FOXP2: variants seen among roughly 807,000 people sequenced by gnomAD.
FOXP2 encodes the protein forkhead box protein P2.
In FOXP2, 12 loss-of-function variants were observed where a neutral mutation model predicts 115.8. That is an observed-to-expected ratio of 0.10 (90% CI 0.07 to 0.17). The LOEUF is 0.17. Ranked by LOEUF, FOXP2 falls within the 10% of genes least tolerant of loss-of-function variation. The pLI is 1.00. For synonymous variants in FOXP2, 328 were observed against 297.7 expected, an observed-to-expected ratio of 1.10 and a Z score of -1.05; for missense variants, 629 against 843.5, an observed-to-expected ratio of 0.75 and a Z score of 3.15.
At chr7:114,189,975 C>G (rs1004730497) in intron 1 of FOXP2, among the ~76,000 whole-genome samples, 5 of 152,012 alleles carry the variant, frequency 3.3e-5, no homozygotes, top group African/African-American at 1.2e-4. Flanking sequence ...TACTTTAGGT[C>G]ACTTAGGATG....
At chr7:114,171,300 A>C (rs1793131792) in intron 1 of FOXP2, among the ~76,000 whole-genome samples, 1 of 152,208 alleles carries the variant, frequency 6.6e-6, no homozygotes, top group African/African-American at 2.4e-5. Context: ...TGGGCCAGGT[A>C]TGGTGGCTTA....
intron 1 of FOXP2, among the ~76,000 whole-genome samples, chr7:114,113,291 C>T (rs892499259): frequency 4.6e-5 from 7 of 152,242 alleles, no homozygotes; most frequent in African/African-American, 1.7e-4. Context: ...ATTAAATAAA[C>T]TCATGAAGAA....
At chr7:114,523,985 C>G (rs960725201) in intron 2 of FOXP2, among the ~76,000 whole-genome samples, 1 of 152,146 alleles carries the variant, frequency 6.6e-6, no homozygotes, top group Non-Finnish European at 1.5e-5. Flanking sequence ...CTTTTTCTAA[C>G]TAGAGTTGTC....
At chr7:114,173,903 C>T in intron 1 of FOXP2, among the ~76,000 whole-genome samples, 1 of 151,710 alleles carries the variant, frequency 6.6e-6, no homozygotes, top group Non-Finnish European at 1.5e-5. Context: ...GAGAAAAGAG[C>T]CCCATTTTTG....
intron 2 of FOXP2, among the ~76,000 whole-genome samples, chr7:114,390,512 T>TTTTATTTATGTA (rs1554382678): frequency 9.9e-5 from 4 of 40,262 alleles, no homozygotes; most frequent in Non-Finnish European, 2.3e-4. Context: ...CATACTTTTG[T>TTTTATTTATGTA]TTTATTTATG....
intron 2 of FOXP2, among the ~76,000 whole-genome samples, chr7:114,497,603 C>T (rs1034257095): frequency 1.1e-4 from 16 of 151,880 alleles, no homozygotes; most frequent in Admixed American, 3.3e-4. Flanking sequence ...GAGCTGAGAC[C>T]GTGCCACTGC....
intron 1 of FOXP2, among the ~76,000 whole-genome samples, chr7:114,251,836 G>A (rs941100489): frequency 1.3e-5 from 2 of 152,166 alleles, no homozygotes; most frequent in Non-Finnish European, 2.9e-5. Context: ...TGTTGAATAG[G>A]AGTGGTGAGA....
intron 2 of FOXP2, among the ~76,000 whole-genome samples, chr7:114,439,499 G>T (rs1237308019): frequency 2.0e-5 from 3 of 151,762 alleles, no homozygotes; most frequent in Admixed American, 6.6e-5. Flanking sequence ...ATATAAACGT[G>T]GTATTATAGC....
intron 2 of FOXP2, among the ~76,000 whole-genome samples, chr7:114,450,990 G>C (rs1294834510): frequency 6.6e-6 from 1 of 151,900 alleles, no homozygotes; most frequent in Admixed American, 6.6e-5. Context: ...AATGAGAAAA[G>C]CTTACTCTTA....
At chr7:114,514,902 G>T (rs1411208853) in intron 2 of FOXP2, among the ~76,000 whole-genome samples, 1 of 143,006 alleles carries the variant, frequency 7.0e-6, no homozygotes. Context: ...AGAGTGTGAT[G>T]TTCCCCTTCC....
At chr7:114,662,958 T>C (rs1034850080) in intron 14 of FOXP2, among the ~76,000 whole-genome samples, 1 of 152,160 alleles carries the variant, frequency 6.6e-6, no homozygotes, top group African/African-American at 2.4e-5. Context: ...TTGATTTCTA[T>C]AGTCAAGTAT....
At chr7:114,563,166 C>G (rs1468608281) in intron 3 of FOXP2, among the ~76,000 whole-genome samples, 2 of 152,150 alleles carry the variant, frequency 1.3e-5, no homozygotes, top group Non-Finnish European at 2.9e-5. Flanking sequence ...CCAGGTCCCT[C>G]CCATGACACA....
At chr7:114,350,924 C>A (rs1791471924) in intron 2 of FOXP2, among the ~76,000 whole-genome samples, 1 of 152,066 alleles carries the variant, frequency 6.6e-6, no homozygotes, top group South Asian at 2.1e-4. Context: ...TTGCGTATAA[C>A]CTACACACAT....
intron 3 of FOXP2, chr7:114,570,702 A>T: frequency 2.4e-6 from 2 of 845,956 alleles, no homozygotes; most frequent in South Asian, 2.8e-5. Flanking sequence ...ACCTACCAAG[A>T]TAATAATTCC....
At chr7:114,348,189 A>T (rs998712695) in intron 2 of FOXP2, among the ~76,000 whole-genome samples, 1 of 152,104 alleles carries the variant, frequency 6.6e-6, no homozygotes, top group African/African-American at 2.4e-5. Flanking sequence ...TTGGTAAGTC[A>T]AATACATTTA....
At chr7:114,578,634 C>G (rs961489858) in intron 3 of FOXP2, among the ~76,000 whole-genome samples, 2 of 151,944 alleles carry the variant, frequency 1.3e-5, no homozygotes, top group African/African-American at 4.8e-5. Context: ...TCTGTTTTTC[C>G]AAATGTTGCT....
intron 2 of FOXP2, among the ~76,000 whole-genome samples, chr7:114,378,009 TCA>T (rs1562893959): frequency 1.3e-5 from 2 of 152,162 alleles, no homozygotes; most frequent in African/African-American, 2.4e-5. Context: ...CTCATCTTTC[TCA>T]GTTTATCCTA....
chr7:114,163,288 T>C (rs967063307), intron 1 of FOXP2, among the ~76,000 whole-genome samples: 2 of 152,110 alleles, frequency 1.3e-5, no homozygotes, highest in African/African-American at 4.8e-5. Context: ...AATAATAATA[T>C]TTAATGTAAA....
chr7:114,161,711 G>A (rs1007214569), upstream of FOXP2, among the ~76,000 whole-genome samples: 3 of 151,958 alleles, frequency 2.0e-5, no homozygotes, highest in Non-Finnish European at 4.4e-5. Context: ...TTATTTAGTG[G>A]AAGGGAGTAT....
Sources: allele counts gnomAD v4.1 joint callset (sites outside exome capture counted in the v4.1 genomes callset), GRCh38; gene constraint gnomAD v4.1.1; transcripts MANE v1.5; gene names NCBI Gene and HGNC (gene_info 2026-07-23, HGNC 2026-07-21).